The following LETM2 variants were observed in gnomAD, a reference collection of about 807,000 sequenced individuals.
The protein encoded by LETM2 is leucine zipper and EF-hand containing transmembrane protein 2.
A neutral mutation model predicts 59.6 loss-of-function variants in LETM2; 58 were observed. The observed-to-expected ratio is 0.97, with a 90% CI of 0.79 to 1.21. LETM2 has a LOEUF of 1.21. Among genes scored for constraint, LETM2 ranks in the 50% most tolerant of loss-of-function variants. LETM2 has a pLI of 0.00. For missense variants in LETM2, 572 were observed against 575.7 expected (o/e 0.99, Z 0.07); for synonymous variants, 199 against 214.1 (o/e 0.93, Z 0.62).
Position 38,392,862 on chromosome 8 carries a change from G to C in LETM2, c.368G>C (p.Arg123Thr). 6.2e-7 allele frequency: 1 copy of C among 1,614,082 alleles called. No individual in the cohort carries two copies. The highest frequency in any genetic ancestry group is 1.3e-5 in the African/African-American group (1 of 75,028). Reference sequence around the variant, plus strand: ...ATTAAAGAAGGCAAACAATCTTATAGACAAAAAATCATGGATGAACTAAAA... The same window carrying C: ...ATTAAAGAAGGCAAACAATCTTATACACAAAAAATCATGGATGAACTAAAA... The part of the protein sequence containing the change: ...MEIKEGKQSY[R>T]QKIMDELKYY... The change falls in exon 3 of 11, where the codon AGA becomes ACA. Residue 123 changes from arginine (R) to threonine (T), a missense_variant. Arg to Thr is a moderately conservative substitution (Grantham distance 71). Transcript: ENST00000379957.
In LETM2 at chr8:38,407,877, G is replaced by A. The variant is rs573540272; in HGVS notation, c.1414-335G>A. Among the ~76,000 whole-genome samples, 4 of 152,298 alleles carry A rather than the reference G, an allele frequency of 2.6e-5. No individual in the cohort carries two copies. The South Asian group carries it at 8.3e-4, about 32-fold the overall frequency. ...ATCCAGTTTTCCCAATTGGGTGAAG[G>A]GATTTGGGGCAAGAGCACAGGGCAT... On this transcript the variant is annotated intron_variant, in intron 10 of 10. Transcript: ENST00000379957.
chr8:38,399,761 G>A (rs1418684344), intron 4 of LETM2, among the ~76,000 whole-genome samples: 1 of 146,346 alleles, frequency 6.8e-6, no homozygotes, highest in Admixed American at 7.0e-5. Flanking sequence ...CTGGGTGACA[G>A]AGCGAAACTC....
At chr8:38,400,436 C>A (rs555108271) in intron 5 of LETM2, 27 bp downstream of exon 5, 1 of 1,542,318 alleles carries the variant, frequency 6.5e-7, no homozygotes, top group Non-Finnish European at 8.7e-7. Flanking sequence ...TAATGCCGAA[C>A]AACTTCGGGG....
Position 38,393,000 on chromosome 8 carries a change from G to A in LETM2, c.501+5G>A. On this transcript the variant is annotated splice_donor_5th_base_variant and intron_variant, in intron 3 of 10. Coordinates refer to ENST00000379957, the MANE Select transcript of LETM2 (RefSeq NM_001286819.2). Reference sequence around the variant, plus strand: ...ACCAGACGAGAGAGACGAAGGGTAGGCAAGAATCATATTTGAGAAAGAAAA... The same window carrying A: ...ACCAGACGAGAGAGACGAAGGGTAGACAAGAATCATATTTGAGAAAGAAAA... 1 of 1,572,510 alleles carries A rather than the reference G, an allele frequency of 6.4e-7. No individual in the cohort carries two copies. The highest frequency in any genetic ancestry group is 1.8e-5 in the Admixed American group (1 of 54,474).
At chr8:38,404,800 TGAAATCTCATCTCTAC>T (rs1813582337) in intron 8 of LETM2, 1 of 296,318 alleles carries the variant, frequency 3.4e-6, no homozygotes, top group African/African-American at 2.2e-5. Flanking sequence ...ACCAACATGG[TGAAATCTCATCTCTAC>T]TAAACATACA....
Position 38,408,585 on chromosome 8 carries a change from G to A in LETM2, c.*311G>A, listed in dbSNP as rs984993532. ...TTCATGTGTACGTCCCTTCAGAGAG[G>A]AAATTTTTTGCACAATGGAATCAGC... is the stretch of plus-strand genomic sequence containing the variant. On this transcript the variant is annotated 3_prime_UTR_variant, in exon 11 of 11. Transcript: ENST00000379957. 2.3e-5 allele frequency: 5 copies of A among 218,240 alleles called. No individual in the cohort carries two copies. Among genetic ancestry groups the A allele is most frequent in the African/African-American group, 9.2e-5 (4 of 43,516 alleles). The allele number at this position is 218,240 out of a possible 1,614,324, so 13.5% of individuals were successfully genotyped here.
chr8:38,402,559 T>C lies in LETM2; in HGVS notation c.1019T>C (p.Val340Ala). The C allele has an allele frequency of 6.2e-7, 1 of 1,613,870 alleles. No homozygotes were observed. Among genetic ancestry groups the C allele is most frequent in the East Asian group, 2.2e-5 (1 of 44,880 alleles). The change falls in exon 7 of 11, where the codon GTA becomes GCA. Residue 340 changes from valine (V) to alanine (A), a missense_variant. By Grantham distance (64) the Val-to-Ala change is moderately conservative. Coordinates refer to ENST00000379957, the MANE Select transcript of LETM2 (RefSeq NM_001286819.2). ...IAKEGVTALS[V>A]SELQAACRAR... ...AAGGAAGGGGTGACAGCATTGAGTG[T>C]ATCAGAACTACAGGCTGCCTGTAGG...
At chr8:38,404,284 G>T in intron 7 of LETM2, 109 bp from the exon 8 acceptor site, 1 of 747,510 alleles carries the variant, frequency 1.3e-6, no homozygotes, top group South Asian at 1.6e-5. Context: ...CGGCTTGGCG[G>T]AAAGGGCGGG....
chr8:38,401,087 A>T, intron 6 of LETM2, 34 bp downstream of exon 6: 1 of 1,570,050 alleles, frequency 6.4e-7, no homozygotes, highest in African/African-American at 1.4e-5. Flanking sequence ...GGGAATTAGC[A>T]AGGTTTTGGG....
upstream of LETM2, among the ~76,000 whole-genome samples, chr8:38,383,984 T>C (rs183811471): frequency 1.1e-3 from 175 of 152,184 alleles, no homozygotes; most frequent in African/African-American, 3.9e-3. Context: ...TTTAAACGTA[T>C]GCTTTAAGTA....
rs780693378 is a variant in LETM2 at position 38,404,511 on chromosome 8, G to A, written c.1218+5G>A. 3.8e-6 allele frequency: 6 copies of A among 1,594,010 alleles called. No homozygotes were observed. Among genetic ancestry groups the A allele is most frequent in the Non-Finnish European group, 5.2e-6 (6 of 1,161,830 alleles). On this transcript the variant is annotated splice_donor_5th_base_variant and intron_variant, in intron 8 of 10. Coordinates refer to ENST00000379957, the MANE Select transcript of LETM2 (RefSeq NM_001286819.2). ...GAGATACCACTCAGTGGGGAGGTGA[G>A]TACCTGGGTTAATGGGGACCCTCGA...
chr8:38,389,029 G>A (rs1563381516), intron 2 of LETM2, among the ~76,000 whole-genome samples: 1 of 151,898 alleles, frequency 6.6e-6, no homozygotes, highest in Non-Finnish European at 1.5e-5. Context: ...GCTTCCCAAA[G>A]TGCTGGGATT....
intron 4 of LETM2, chr8:38,397,082 T>C (rs970022431): frequency 1.1e-5 from 5 of 455,698 alleles, no homozygotes; most frequent in Admixed American, 2.4e-5. Context: ...AGGCAGCTCC[T>C]TCCTTCTCCC....
At chr8:38,400,144 C>T in intron 4 of LETM2, 128 bp from the exon 5 acceptor site, 1 of 652,008 alleles carries the variant, frequency 1.5e-6, no homozygotes, top group Non-Finnish European at 2.5e-6. Flanking sequence ...TTCATCTATG[C>T]CTGAGAATCA....
At chr8:38,395,738 T>C (rs2150425183) in intron 4 of LETM2, among the ~76,000 whole-genome samples, 1 of 151,858 alleles carries the variant, frequency 6.6e-6, no homozygotes, top group African/African-American at 2.4e-5. Context: ...CTGGTCTCGA[T>C]GTCCTGACCT....
In LETM2 at chr8:38,404,410, G is replaced by T. The variant is rs751953187; in HGVS notation, c.1122G>T (p.Leu374=). The T allele has an allele frequency of 6.2e-7, 1 of 1,613,160 alleles. No individual in the cohort carries two copies. The highest frequency in any genetic ancestry group is 1.1e-5 in the South Asian group (1 of 91,058). The change falls in exon 8 of 11, where the codon CTG becomes CTT. Residue 374 remains leucine (L), a synonymous_variant. Transcript: ENST00000379957. The part of the protein sequence containing the change: ...QQLTEWQDLH[L]KENVPPSLLL... ...TTCTCCAGTGGCAGGACCTCCACCT[G>T]AAGGAGAACGTCCCTCCTTCCCTTT...
chr8:38,405,044 G>A (rs1397289952), intron 8 of LETM2, among the ~76,000 whole-genome samples: 5 of 152,214 alleles, frequency 3.3e-5, no homozygotes, highest in Non-Finnish European at 7.3e-5. Context: ...TACTGCCTTT[G>A]AGCCCAGCTT....
At chr8:38,401,084 A>T (rs1286771525) in intron 6 of LETM2, 31 bp downstream of exon 6, 1 of 1,579,538 alleles carries the variant, frequency 6.3e-7, no homozygotes, top group East Asian at 2.2e-5. Context: ...CTAGGGAATT[A>T]GCAAGGTTTT....
At chr8:38,406,056 C>T (rs1314104987) in intron 8 of LETM2, among the ~76,000 whole-genome samples, 1 of 152,146 alleles carries the variant, frequency 6.6e-6, no homozygotes, top group Non-Finnish European at 1.5e-5. Flanking sequence ...CCTTATCCCT[C>T]CAAAGTCCAC....
Sources: allele counts gnomAD v4.1 joint callset (sites outside exome capture counted in the v4.1 genomes callset), GRCh38; gene constraint gnomAD v4.1.1; transcripts MANE v1.5; gene names NCBI Gene and HGNC (gene_info 2026-07-23, HGNC 2026-07-21).